The following CXCL13 variants were observed in gnomAD, a reference collection of about 807,000 sequenced individuals.
CXCL13 encodes C-X-C motif chemokine ligand 13, also known as C-X-C motif chemokine 13.
Under a neutral mutation model 12.2 loss-of-function variants are expected in CXCL13, and 7 were observed. The observed-to-expected ratio is 0.57, with a 90% confidence interval of 0.33 to 1.07. CXCL13 has a LOEUF of 1.07. Ranked by LOEUF, CXCL13 falls within the 50% of genes least tolerant of loss-of-function variation. The pLI is 0.04. For missense variants in CXCL13, 113 were observed against 127.4 expected, an observed-to-expected ratio of 0.89 and a Z score of 0.55; for synonymous variants, 47 against 42.4, an observed-to-expected ratio of 1.11 and a Z score of -0.42.
Position 77,546,078 on chromosome 4 carries a change from T to C in CXCL13, c.-43+34290T>C, listed in dbSNP as rs967629882. 2.0e-5 allele frequency among the ~76,000 whole-genome samples: 3 copies of C among 152,228 alleles called. No individual in the cohort carries two copies. In the East Asian group the frequency reaches 5.8e-4, roughly 29 times the overall value. On this transcript the variant is annotated intron_variant, in intron 1 of 4. Transcript: ENST00000286758. ...TTGATTTGCATATGTTAAACCAGCC[T>C]TGCATCCCAGGGATGAAGCCAACTT... is the stretch of plus-strand genomic sequence containing the variant.
chr4:77,569,479 A>G (rs904400730), intron 1 of CXCL13, among the ~76,000 whole-genome samples: 2 of 152,126 alleles, frequency 1.3e-5, no homozygotes, highest in African/African-American at 4.8e-5. Flanking sequence ...CAACTGTCAA[A>G]CCAAAAGCCA....
At chr4:77,609,044 C>T (rs1727084370) in intron 2 of CXCL13, among the ~76,000 whole-genome samples, 1 of 152,160 alleles carries the variant, frequency 6.6e-6, no homozygotes, top group Non-Finnish European at 1.5e-5. Flanking sequence ...ATGAAAGTTT[C>T]AAATTATTGT....
At chr4:77,511,753 GAGA>G (rs757858174) in exon 1 of CXCL13, 6 of 152,180 alleles carry the variant, frequency 3.9e-5, no homozygotes, top group Non-Finnish European at 7.3e-5. Flanking sequence ...GGAGCGAAAG[GAGA>G]AGATGTTTGA....
At chr4:77,539,272 A>G (rs940872971) in intron 1 of CXCL13, among the ~76,000 whole-genome samples, 1 of 152,046 alleles carries the variant, frequency 6.6e-6, no homozygotes, top group African/African-American at 2.4e-5. Context: ...TTTTAGTCAT[A>G]AAAACTACAC....
At chr4:77,609,347 C>G (rs905782793) in intron 2 of CXCL13, among the ~76,000 whole-genome samples, 9 of 151,796 alleles carry the variant, frequency 5.9e-5, no homozygotes, top group Non-Finnish European at 1.0e-4. Context: ...GGATCTCACT[C>G]TGCTGCCCAG....
At chr4:77,544,443 C>G (rs1050828582) in intron 1 of CXCL13, among the ~76,000 whole-genome samples, 2 of 152,198 alleles carry the variant, frequency 1.3e-5, no homozygotes, top group Non-Finnish European at 2.9e-5. Context: ...ACTATTCTAA[C>G]TGGTGTGAGA....
chr4:77,564,719 T>C (rs1334314457), intron 1 of CXCL13, among the ~76,000 whole-genome samples: 16 of 152,340 alleles, frequency 1.1e-4, no homozygotes. Flanking sequence ...TGACAGACTG[T>C]GGAGCCCAAA....
In CXCL13 at chr4:77,559,590, C is replaced by CGTGTGTGTGTGTGTGTGTGT. The variant is rs376338194; in HGVS notation, c.-42-46232_-42-46213dup. Among the ~76,000 whole-genome samples, 569 of 148,714 alleles carry CGTGTGTGTGTGTGTGTGTGT rather than the reference C, an allele frequency of 3.8e-3. 10 individuals carry two copies. The highest frequency in any genetic ancestry group is 0.021 in the East Asian group (109 of 5,100). ...TCTTCCATTCAAGGACTAAATATGC[C>CGTGTGTGTGTGTGTGTGTGT]GTGTGTGTGTGTGTGTGTGTGATTG... On this transcript the variant is annotated intron_variant, in intron 1 of 4. Coordinates refer to the CXCL13 transcript ENST00000286758.
chr4:77,600,560 T>A (rs1034581437), intron 1 of CXCL13, among the ~76,000 whole-genome samples: 1 of 152,218 alleles, frequency 6.6e-6, no homozygotes, highest in African/African-American at 2.4e-5. Flanking sequence ...TATGATGACA[T>A]ATGATTACAT....
At chr4:77,552,346 C>T (rs1725553625) in intron 1 of CXCL13, among the ~76,000 whole-genome samples, 2 of 152,106 alleles carry the variant, frequency 1.3e-5, no homozygotes, top group Admixed American at 6.5e-5. Context: ...TAGGTAGGGT[C>T]CTTTGGCTTT....
At chr4:77,594,224 C>T (rs1027418215) in intron 1 of CXCL13, among the ~76,000 whole-genome samples, 6 of 152,040 alleles carry the variant, frequency 3.9e-5, no homozygotes, top group African/African-American at 1.2e-4. Flanking sequence ...ATGCAGAGGA[C>T]GAGAGGAGTG....
intron 3 of CXCL13, 50 bp downstream of exon 3, chr4:77,610,744 T>C: frequency 7.2e-7 from 1 of 1,386,000 alleles, no homozygotes; most frequent in Non-Finnish European, 1.0e-6. Context: ...TACTGAAGAG[T>C]TTCCCTTTCC....
intron 1 of CXCL13, among the ~76,000 whole-genome samples, chr4:77,553,715 T>G (rs1370223040): frequency 6.6e-6 from 1 of 152,238 alleles, no homozygotes; most frequent in Non-Finnish European, 1.5e-5. Flanking sequence ...CCATTTTCCT[T>G]CTTGAAATGA....
chr4:77,567,661 TG>T (rs1006311833), intron 1 of CXCL13, among the ~76,000 whole-genome samples: 9 of 152,190 alleles, frequency 5.9e-5, no homozygotes, highest in Non-Finnish European at 2.9e-5. Flanking sequence ...GTGGCAAAAG[TG>T]ACCTCTGGTC....
At chr4:77,539,883 C>T (rs1027061002) in intron 1 of CXCL13, among the ~76,000 whole-genome samples, 1 of 152,124 alleles carries the variant, frequency 6.6e-6, no homozygotes, top group Admixed American at 6.6e-5. Flanking sequence ...AATCCCTATC[C>T]TGCTCAGCTC....
At chr4:77,515,716 T>C (rs962070988) in intron 1 of CXCL13, among the ~76,000 whole-genome samples, 1 of 152,162 alleles carries the variant, frequency 6.6e-6, no homozygotes, top group Non-Finnish European at 1.5e-5. Flanking sequence ...GGCTGAGACA[T>C]TGGGATTTTC....
At chr4:77,551,448 A>C (rs189256856) in intron 1 of CXCL13, among the ~76,000 whole-genome samples, 78 of 152,318 alleles carry the variant, frequency 5.1e-4, no homozygotes, top group Middle Eastern at 3.4e-3. Context: ...AAAATAGGCC[A>C]CCAATCTCTC....
chr4:77,592,852 T>A (rs887767223), intron 1 of CXCL13, among the ~76,000 whole-genome samples: 1 of 152,142 alleles, frequency 6.6e-6, no homozygotes, highest in South Asian at 2.1e-4. Flanking sequence ...GATTTCATAG[T>A]GGAAATGGGG....
chr4:77,549,141 T>G (rs2866296), intron 1 of CXCL13, among the ~76,000 whole-genome samples: 9,181 of 152,294 alleles, frequency 0.06, 893 homozygotes, highest in African/African-American at 0.21. Context: ...CTACTGAAGC[T>G]TGTGCATGTG....
Sources: gnomAD v4.1 joint callset for allele counts (sites outside exome capture counted in the v4.1 genomes callset) on GRCh38, gnomAD v4.1.1 for gene constraint, MANE v1.5 for transcripts, NCBI Gene and HGNC (gene_info 2026-07-23, HGNC 2026-07-21) for gene names.